Variants in SYNE2 observed in about 807,000 individuals in gnomAD.
SYNE2 encodes the protein nesprin-2.
In SYNE2, 431 loss-of-function variants were observed where a neutral mutation model predicts 856.3. The ratio of observed to expected loss-of-function variants is 0.50; its 90% CI spans 0.47 to 0.55. SYNE2 has a LOEUF of 0.55. SYNE2 is among the 20% of genes least tolerant of loss of function. The pLI is 0.00. For missense variants in SYNE2, 8,129 were observed against 8,023.2 expected (o/e 1.01, Z -0.50); for synonymous variants, 2,923 against 2,872.3 (o/e 1.02, Z -0.56).
intron 96 of SYNE2, among the ~76,000 whole-genome samples, chr14:64,180,053 C>T (rs575936067): frequency 4.8e-4 from 73 of 152,132 alleles, no homozygotes; most frequent in Non-Finnish European, 7.6e-4. Flanking sequence ...TTTTTGCATA[C>T]GTTTTAAGGC....
chr14:63,801,709 G>T (rs930672371), intron 1 of SYNE2, among the ~76,000 whole-genome samples: 1 of 151,712 alleles, frequency 6.6e-6, no homozygotes, highest in Non-Finnish European at 1.5e-5. Flanking sequence ...TAAAACCCTA[G>T]AAATAGAAGA....
chr14:63,801,377 A>T (rs545548537), intron 1 of SYNE2, among the ~76,000 whole-genome samples: 36 of 151,852 alleles, frequency 2.4e-4, no homozygotes, highest in South Asian at 1.9e-3. Context: ...AATAAAATTT[A>T]AAAAAAAAGA....
chr14:63,989,385 T>C (rs994722635), intron 19 of SYNE2, among the ~76,000 whole-genome samples: 1 of 152,200 alleles, frequency 6.6e-6, no homozygotes, highest in African/African-American at 2.4e-5. Flanking sequence ...TTGCCCAGGC[T>C]GGAGTGCAGT....
chr14:63,813,870 G>A (rs1329920262), intron 1 of SYNE2, among the ~76,000 whole-genome samples: 1 of 152,124 alleles, frequency 6.6e-6, no homozygotes, highest in Non-Finnish European at 1.5e-5. Context: ...TGGCCAATAT[G>A]GTGAAACCAC....
At chr14:63,764,147 G>A (rs921278819) in intron 1 of SYNE2, among the ~76,000 whole-genome samples, 2 of 152,194 alleles carry the variant, frequency 1.3e-5, no homozygotes, top group Non-Finnish European at 2.9e-5. Flanking sequence ...TAGAAAATAT[G>A]ACTTAATCTG....
intron 112 of SYNE2, among the ~76,000 whole-genome samples, chr14:64,222,745 T>G (rs996703000): frequency 3.3e-5 from 5 of 151,886 alleles, no homozygotes; most frequent in African/African-American, 1.2e-4. Flanking sequence ...AATAAATGAA[T>G]AGCCACATGT....
intron 87 of SYNE2, among the ~76,000 whole-genome samples, chr14:64,160,100 G>GTAATGAACA (rs1349965027): frequency 6.6e-6 from 1 of 152,200 alleles, no homozygotes; most frequent in African/African-American, 2.4e-5. Flanking sequence ...CTTCGAACAA[G>GTAATGAACA]TAATGAACAA....
chr14:63,881,073 C>T (rs1165096680), intron 1 of SYNE2, among the ~76,000 whole-genome samples: 2 of 151,908 alleles, frequency 1.3e-5, no homozygotes, highest in Admixed American at 1.3e-4. Flanking sequence ...TGGTCTCGAA[C>T]CCCTGACCTT....
chr14:64,017,301 C>T (rs2096899972), intron 33 of SYNE2, among the ~76,000 whole-genome samples: 1 of 127,678 alleles, frequency 7.8e-6, no homozygotes, highest in African/African-American at 3.0e-5. Flanking sequence ...TGCACTCCAG[C>T]CTGGGCGACA....
intron 1 of SYNE2, among the ~76,000 whole-genome samples, chr14:63,854,089 C>T (rs1026579681): frequency 2.6e-5 from 4 of 151,206 alleles, no homozygotes; most frequent in East Asian, 3.9e-4. Flanking sequence ...GCCGCAGGCA[C>T]GGTTGTGTAC....
Position 64,107,618 on chromosome 14 carries a change from G to A in SYNE2, c.12609+11G>A, listed in dbSNP as rs1398047551. 1.9e-6 allele frequency: 3 copies of A among 1,607,032 alleles called. No homozygotes were observed. The highest frequency in any genetic ancestry group is 2.2e-5 in the South Asian group (2 of 90,960). ...AACCAAACAGAAGAGGTAAGTCCTG[G>A]TTGGTAATAAGTAAACTGCTCAGAT... is the stretch of plus-strand genomic sequence containing the variant. On this transcript the variant is annotated intron_variant, in intron 65 of 115. Transcript: ENST00000555002.
At chr14:63,930,589 A>G (rs1433756940) in intron 2 of SYNE2, among the ~76,000 whole-genome samples, 1 of 146,908 alleles carries the variant, frequency 6.8e-6, no homozygotes, top group Non-Finnish European at 1.5e-5. Flanking sequence ...GCTGGAGCGT[A>G]GTGGTGCAAT....
Position 64,203,015 on chromosome 14 carries a change from A to C in SYNE2, c.18201+52A>C, listed in dbSNP as rs764072439. The C allele has an allele frequency of 1.7e-5, 28 of 1,604,436 alleles. No homozygotes were observed. The African/African-American group carries it at 3.1e-4, about 18-fold the overall frequency. On this transcript the variant is annotated intron_variant, in intron 100 of 115. Transcript: ENST00000555002. Reference sequence around the variant, plus strand: ...CAAGAGTACGGTGTCCGCGATATGCACTGACTGAGGCCTTCCCCGTATATC... The same window carrying C: ...CAAGAGTACGGTGTCCGCGATATGCCCTGACTGAGGCCTTCCCCGTATATC...
chr14:63,879,718 G>A (rs1223900544), intron 1 of SYNE2, among the ~76,000 whole-genome samples: 1 of 152,198 alleles, frequency 6.6e-6, no homozygotes, highest in African/African-American at 2.4e-5. Flanking sequence ...AAGCAACAGA[G>A]GACAAAAGTA....
In SYNE2 at chr14:64,162,169, G is replaced by A. The variant is rs760717295; in HGVS notation, c.16192G>A (p.Ala5398Thr). 6.2e-7 allele frequency: 1 copy of A among 1,614,234 alleles called. No individual in the cohort carries two copies. Among genetic ancestry groups the A allele is most frequent in the Non-Finnish European group, 8.5e-7 (1 of 1,180,038 alleles). The change falls in exon 88 of 116, where the codon GCC becomes ACC. Residue 5398 changes from alanine (A) to threonine (T), a missense_variant. Around this residue, in one of 3 missense-constraint regions of SYNE2, gnomAD observed 5,410 missense variants for 5,284.8 expected, o/e 1.02. Transcript: ENST00000555002. ...CTATAGCAATGCTCATGGTGAAGCT[G>A]CCGCAAGGCTGAAGCAGCAGGAAGC... ...KAYSNAHGEA[A>T]ARLKQQEAKF...
chr14:64,074,958 G>A (rs1451706722), intron 53 of SYNE2, among the ~76,000 whole-genome samples: 1 of 152,134 alleles, frequency 6.6e-6, no homozygotes, highest in Non-Finnish European at 1.5e-5. Context: ...GTCTTCATGG[G>A]GAAGCCTTCT....
At chr14:63,894,259 A>T (rs949917128) in intron 1 of SYNE2, among the ~76,000 whole-genome samples, 1 of 149,346 alleles carries the variant, frequency 6.7e-6, no homozygotes, top group African/African-American at 2.5e-5. Context: ...GCTGGAATGC[A>T]GTGGATGTGA....
rs955701568 is a variant in SYNE2, at chr14:63,948,154, C to T, written c.409-1671C>T. Among the ~76,000 whole-genome samples the T allele has an allele frequency of 1.1e-4, 12 of 105,704 alleles. 1 individual carries two copies. The South Asian group carries it at 1.6e-3, about 14-fold the overall frequency. The allele number at this position is 105,704 out of a possible 152,430, so 69.3% of individuals were successfully genotyped here. Reference sequence around the variant, plus strand: ...GTGTGCGTGCGCGCACATACACACACAGACACACACATACACACACACACA... The same window carrying T: ...GTGTGCGTGCGCGCACATACACACATAGACACACACATACACACACACACA... On this transcript the variant is annotated intron_variant, in intron 6 of 115. Coordinates refer to ENST00000555002, the MANE Select transcript of SYNE2 (RefSeq NM_182914.3).
intron 8 of SYNE2, among the ~76,000 whole-genome samples, chr14:63,959,285 TTC>T (rs2096278814): frequency 1.4e-5 from 2 of 144,880 alleles, no homozygotes; most frequent in African/African-American, 5.2e-5. Flanking sequence ...TCTTTTCTTC[TTC>T]TTTTTTTTTT....
Sources: gnomAD v4.1 joint callset for allele counts (sites outside exome capture counted in the v4.1 genomes callset) on GRCh38, gnomAD v4.1.1 for gene constraint, gnomAD v4.1.1 regional missense constraint, MANE v1.5 for transcripts, NCBI Gene and HGNC (gene_info 2026-07-23, HGNC 2026-07-21) for gene names.